ATP2B3: variants seen among roughly 807,000 people sequenced by gnomAD.
ATP2B3 encodes ATPase plasma membrane Ca2+ transporting 3, also known as plasma membrane calcium-transporting ATPase 3.
ATP2B3 carries 12 observed loss-of-function variants against 70.8 expected under a neutral mutation model. The observed-to-expected ratio is 0.17, with a 90% CI of 0.11 to 0.27. The LOEUF is 0.27. ATP2B3 is among the 10% of genes least tolerant of loss of function. The pLI is 1.00. For synonymous variants in ATP2B3, 460 were observed against 497.8 expected (o/e 0.92, Z 1.01); for missense variants, 858 against 1,118.5 (o/e 0.77, Z 3.32).
intron 16 of ATP2B3, among the ~76,000 whole-genome samples, chrX:153,557,648 G>A (rs1467638479): frequency 8.9e-6 from 1 of 112,150 alleles, no homozygotes; most frequent in Non-Finnish European, 1.9e-5. Context: ...GGAGAGGACT[G>A]CGCAGCTTGG....
At chrX:153,564,693 G>A (rs1054909922) in intron 20 of ATP2B3, among the ~76,000 whole-genome samples, 2 of 113,236 alleles carry the variant, frequency 1.8e-5, no homozygotes, top group East Asian at 2.8e-4. Context: ...AGAGCTCCAC[G>A]TACTCCTGAA....
In ATP2B3 at chrX:153,556,234, A is replaced by G. The variant is rs1397887983; in HGVS notation, c.2238+6A>G. The G allele has an allele frequency of 8.3e-7, 1 of 1,207,000 alleles. No homozygotes were observed. The highest frequency in any genetic ancestry group is 1.1e-6 in the Non-Finnish European group (1 of 892,658). On this transcript the variant is annotated splice_donor_region_variant and intron_variant, in intron 14 of 21. Transcript: ENST00000263519. Reference sequence around the variant, plus strand: ...TCCGCAATGAGAAAGGCGAGGTAGCACCCGGCTGTCTGCCACCCCAGACCC... The same window carrying G: ...TCCGCAATGAGAAAGGCGAGGTAGCGCCCGGCTGTCTGCCACCCCAGACCC...
chrX:153,565,741 A>G (rs1252962465), intron 21 of ATP2B3, among the ~76,000 whole-genome samples: 2 of 112,174 alleles, frequency 1.8e-5, no homozygotes, highest in African/African-American at 6.5e-5. Context: ...CCTCCCGGCC[A>G]ACAGTTTTGC....
Position 153,527,404 on chromosome X carries a change from C to T in ATP2B3, c.-126-8718C>T, listed in dbSNP as rs2090050782. 3.5e-5 allele frequency among the ~76,000 whole-genome samples: 4 copies of T among 113,284 alleles called. 1 individual carries two copies. The South Asian group carries it at 1.1e-3, about 30-fold the overall frequency. On this transcript the variant is annotated intron_variant, in intron 2 of 21. Transcript: ENST00000263519. The stretch of plus-strand genomic sequence containing the variant: ...GGCAGGCCCGGGCTGGCAGGAGGGG[C>T]GTGGGGAGCACGTAGGGGCAGGGTA...
intron 21 of ATP2B3, among the ~76,000 whole-genome samples, chrX:153,568,489 C>T (rs1225645784): frequency 1.8e-5 from 2 of 111,146 alleles, no homozygotes; most frequent in Non-Finnish European, 3.8e-5. Flanking sequence ...AGACAGGAGA[C>T]CCCCCACCCC....
chrX:153,547,242 G>C (rs782496339), intron 8 of ATP2B3, among the ~76,000 whole-genome samples: 1 of 110,697 alleles, frequency 9.0e-6, no homozygotes, highest in African/African-American at 3.3e-5. Context: ...GAGCCGGAGT[G>C]GGGGACACAC....
intron 21 of ATP2B3, among the ~76,000 whole-genome samples, chrX:153,565,966 C>T (rs952534850): frequency 8.9e-6 from 1 of 112,581 alleles, no homozygotes; most frequent in African/African-American, 3.2e-5. Context: ...GCCTGGCACC[C>T]CCACCTCCTG....
At chrX:153,526,025 A>G (rs2090026928) in intron 2 of ATP2B3, among the ~76,000 whole-genome samples, 1 of 112,863 alleles carries the variant, frequency 8.9e-6, no homozygotes, top group Non-Finnish European at 1.9e-5. Flanking sequence ...TCTGCGCCCC[A>G]TCCACCCTTC....
chrX:153,537,647 C>T (rs782599262), intron 3 of ATP2B3, among the ~76,000 whole-genome samples: 2 of 112,615 alleles, frequency 1.8e-5, no homozygotes, highest in African/African-American at 3.2e-5. Context: ...CCGCCGCACA[C>T]GCCCTCACGG....
intron 21 of ATP2B3, 27 bp from the exon 22 acceptor site, chrX:153,579,951 G>A (rs782324979): frequency 4.9e-5 from 57 of 1,169,773 alleles, no homozygotes; most frequent in East Asian, 4.8e-4. Flanking sequence ...CCCACCTCGC[G>A]CCCTGTCCCT....
At chrX:153,571,319 G>T (rs1478122979) in intron 21 of ATP2B3, among the ~76,000 whole-genome samples, 1 of 112,323 alleles carries the variant, frequency 8.9e-6, no homozygotes, top group Non-Finnish European at 1.9e-5. Flanking sequence ...GCATGGCTGT[G>T]CCTCCGCCTC....
chrX:153,547,810 G>A, intron 8 of ATP2B3, 25 bp from the exon 9 acceptor site: 1 of 1,160,972 alleles, frequency 8.6e-7, no homozygotes, highest in Non-Finnish European at 1.2e-6. Flanking sequence ...CACTGACCTT[G>A]GCCATGGGGT....
intron 21 of ATP2B3, among the ~76,000 whole-genome samples, chrX:153,568,127 A>G (rs2090737349): frequency 8.9e-6 from 1 of 112,035 alleles, no homozygotes. Context: ...TGCTCGCACC[A>G]TGGTTCCATA....
At chrX:153,539,712 C>T (rs782000036) in intron 3 of ATP2B3, among the ~76,000 whole-genome samples, 2 of 113,007 alleles carry the variant, frequency 1.8e-5, no homozygotes, top group Non-Finnish European at 3.8e-5. Context: ...CACTGGGCGC[C>T]GGGTGAGCGC....
intron 12 of ATP2B3, 110 bp downstream of exon 12, chrX:153,550,396 C>G (rs782267760): frequency 1.9e-4 from 210 of 1,089,093 alleles, no homozygotes; most frequent in Non-Finnish European, 2.5e-4. Context: ...TTACAGTGTA[C>G]AGTTGAATGG....
Position 153,541,863 on chromosome X carries a change from G to A in ATP2B3, c.601G>A (p.Gly201Arg), listed in dbSNP as rs1557006663. The change falls in exon 5 of 22, where the codon GGG becomes AGG. Residue 201 changes from glycine to arginine, a missense_variant. Coordinates refer to ENST00000263519, the MANE Select transcript of ATP2B3 (RefSeq NM_001001344.3). ...QEQKFTVIRN[G>R]QLLQVPVAAL... ...GCAGAAGTTCACGGTCATCCGGAACGGGCAGCTCCTCCAGGTCCCCGTGGC... is the reference window on the plus strand; with the variant it reads ...GCAGAAGTTCACGGTCATCCGGAACAGGCAGCTCCTCCAGGTCCCCGTGGC... 20 of 1,211,614 alleles carry A rather than the reference G, an allele frequency of 1.7e-5. No homozygotes were observed. Among genetic ancestry groups the A allele is most frequent in the African/African-American group, 1.2e-4 (7 of 57,824 alleles).
intron 20 of ATP2B3, among the ~76,000 whole-genome samples, chrX:153,564,086 C>T (rs2090666279): frequency 1.8e-5 from 2 of 112,378 alleles, no homozygotes; most frequent in East Asian, 5.6e-4. Context: ...TATCCAGTCA[C>T]CCTTTCCAGC....
intron 12 of ATP2B3, among the ~76,000 whole-genome samples, chrX:153,550,854 C>T (rs2090447187): frequency 9.0e-6 from 1 of 111,441 alleles, no homozygotes; most frequent in African/African-American, 3.3e-5. Context: ...ACCCGGCCTC[C>T]CTAAGTGCTA....
rs781970486 is a variant in ATP2B3 at position 153,562,816 on chromosome X, A to G, written c.3159+574A>G. On this transcript the variant is annotated intron_variant, in intron 20 of 21. Transcript: ENST00000263519. ...AAATACCATAGACTGGGAGGCTTAG[A>G]CAACAGACACTTACTTTCTCGAAGT... is the stretch of plus-strand genomic sequence containing the variant. Among the ~76,000 whole-genome samples the G allele has an allele frequency of 4.3e-4, 48 of 112,360 alleles. 1 individual carries two copies. Among genetic ancestry groups the G allele is most frequent in the Non-Finnish European group, 2.4e-4 (13 of 53,259 alleles).
Sources: allele counts gnomAD v4.1 joint callset (sites outside exome capture counted in the v4.1 genomes callset), GRCh38; gene constraint gnomAD v4.1.1; transcripts MANE v1.5; gene names NCBI Gene and HGNC (gene_info 2026-07-23, HGNC 2026-07-21).